NRXN3: variants seen among roughly 807,000 people sequenced by gnomAD.
NRXN3 encodes the protein neurexin III.
A neutral mutation model predicts 137.6 loss-of-function variants in NRXN3; 32 were observed. That is an observed-to-expected ratio of 0.23 (90% confidence interval 0.18 to 0.31). NRXN3 has a LOEUF of 0.31. NRXN3 is among the 10% of genes least tolerant of loss of function. NRXN3 has a pLI of 1.00. For synonymous variants in NRXN3, 798 were observed against 784.5 expected (o/e 1.02, Z -0.29); for missense variants, 1,574 against 2,062.5 (o/e 0.76, Z 4.59).
intron 1 of NRXN3, among the ~76,000 whole-genome samples, chr14:78,211,132 A>T (rs539266903): frequency 6.6e-6 from 1 of 152,316 alleles, no homozygotes; most frequent in African/African-American, 2.4e-5. Context: ...AGCTGTTATT[A>T]CTTCCATTTT....
chr14:78,634,911 C>T (rs947259501), intron 4 of NRXN3, among the ~76,000 whole-genome samples: 11 of 152,086 alleles, frequency 7.2e-5, no homozygotes, highest in South Asian at 2.1e-4. Context: ...TCATTATTCT[C>T]TATATATTCT....
At chr14:79,048,573 A>G (rs2099636477) in intron 15 of NRXN3, among the ~76,000 whole-genome samples, 1 of 152,142 alleles carries the variant, frequency 6.6e-6, no homozygotes, top group South Asian at 2.1e-4. Flanking sequence ...TTAATTTAAA[A>G]GTACTTTATT....
chr14:78,458,610 C>T (rs574608382), intron 4 of NRXN3, among the ~76,000 whole-genome samples: 42 of 152,306 alleles, frequency 2.8e-4, no homozygotes, highest in Middle Eastern at 6.8e-3. Flanking sequence ...AAAAGGAGAA[C>T]ATCTCTTCTG....
chr14:79,059,389 C>G (rs985523479), intron 15 of NRXN3, among the ~76,000 whole-genome samples: 1 of 151,526 alleles, frequency 6.6e-6, no homozygotes, highest in African/African-American at 2.4e-5. Context: ...TCCCAAGTAG[C>G]TGAGACTACA....
chr14:78,737,363 A>T (rs921095049), intron 8 of NRXN3, among the ~76,000 whole-genome samples: 1 of 152,134 alleles, frequency 6.6e-6, no homozygotes, highest in Non-Finnish European at 1.5e-5. Context: ...GGAAATCCGG[A>T]TAGAGTTGGC....
chr14:78,255,018 G>A (rs1199984135), intron 2 of NRXN3, among the ~76,000 whole-genome samples: 2 of 151,958 alleles, frequency 1.3e-5, no homozygotes, highest in African/African-American at 4.8e-5. Context: ...CCCAGGGAAA[G>A]GGCTTAGGCA....
At chr14:79,375,871 A>G (rs2094257965) in intron 15 of NRXN3, among the ~76,000 whole-genome samples, 1 of 151,938 alleles carries the variant, frequency 6.6e-6, no homozygotes. Flanking sequence ...AGAAGAGATT[A>G]TTCTTAGAAA....
chr14:79,614,939 G>C (rs1274393871), intron 16 of NRXN3, among the ~76,000 whole-genome samples: 1 of 152,208 alleles, frequency 6.6e-6, no homozygotes, highest in Non-Finnish European at 1.5e-5. Flanking sequence ...ACAACAGCAA[G>C]TGGTCCATGA....
intron 8 of NRXN3, among the ~76,000 whole-genome samples, chr14:78,754,855 CAG>C (rs1307503792): frequency 1.4e-5 from 2 of 146,524 alleles, no homozygotes; most frequent in Non-Finnish European, 3.0e-5. Flanking sequence ...TTTTTTGAGA[CAG>C]AGTCTCACTG....
chr14:79,398,221 T>C (rs1202530310), intron 15 of NRXN3, among the ~76,000 whole-genome samples: 1 of 152,192 alleles, frequency 6.6e-6, no homozygotes, highest in Non-Finnish European at 1.5e-5. Flanking sequence ...GTGCCATATA[T>C]GTGCCTTCTA....
chr14:78,242,968 C>T lies in NRXN3; in HGVS notation c.-126C>T. 1 of 658,820 alleles carries T rather than the reference C, an allele frequency of 1.5e-6. No individual in the cohort carries two copies. Among genetic ancestry groups the T allele is most frequent in the Non-Finnish European group, 2.6e-6 (1 of 389,724 alleles). 40.8% of individuals were successfully genotyped at this position (658,820 alleles called of 1,614,324 possible). On this transcript the variant is annotated 5_prime_UTR_variant, in exon 2 of 21. Transcript: ENST00000335750. ...CAGGATCTGTGTGTGTGCTGCCTTCCTCCTGTGTGCTTTCTGTCCCCCCAT... is the reference window on the plus strand; with the variant it reads ...CAGGATCTGTGTGTGTGCTGCCTTCTTCCTGTGTGCTTTCTGTCCCCCCAT...
chr14:78,784,050 C>G (rs1418577551), intron 8 of NRXN3, among the ~76,000 whole-genome samples: 1 of 111,392 alleles, frequency 9.0e-6, no homozygotes, highest in Admixed American at 1.0e-4. Flanking sequence ...TAGAAGAAGT[C>G]AGATAACACA....
intron 6 of NRXN3, among the ~76,000 whole-genome samples, chr14:78,671,038 A>T (rs1270257371): frequency 1.3e-5 from 2 of 152,242 alleles, no homozygotes; most frequent in Non-Finnish European, 2.9e-5. Flanking sequence ...CATCAAAAGG[A>T]AGAACAATGT....
rs139212919 is a variant in NRXN3, at chr14:79,549,460, C to T, written c.3444+82058C>T. ...TACATGTAAGGAAATGAAAAGTATT[C>T]CACAAATACTCCTTCCCTGAGCTTG... is the stretch of plus-strand genomic sequence containing the variant. On this transcript the variant is annotated intron_variant, in intron 16 of 20. Coordinates refer to ENST00000335750, the MANE Select transcript of NRXN3 (RefSeq NM_001330195.2). Among the ~76,000 whole-genome samples, 752 of 152,196 alleles carry T rather than the reference C, an allele frequency of 4.9e-3. 8 individuals carry two copies. The highest frequency in any genetic ancestry group is 0.017 in the African/African-American group (715 of 41,514).
At chr14:79,393,320 A>G (rs573476931) in intron 15 of NRXN3, among the ~76,000 whole-genome samples, 21 of 152,340 alleles carry the variant, frequency 1.4e-4, no homozygotes, top group African/African-American at 4.6e-4. Context: ...TCTAAGCAGA[A>G]TATTCCACTT....
chr14:78,302,841 T>G (rs139953539), intron 4 of NRXN3, among the ~76,000 whole-genome samples: 26 of 152,358 alleles, frequency 1.7e-4, no homozygotes, highest in African/African-American at 6.0e-4. Flanking sequence ...GAGAGCTTGT[T>G]GAGACTCTCC....
chr14:78,920,349 A>G (rs2099267680), intron 10 of NRXN3, among the ~76,000 whole-genome samples: 1 of 152,230 alleles, frequency 6.6e-6, no homozygotes, highest in Non-Finnish European at 1.5e-5. Flanking sequence ...GGGAAGTGAA[A>G]TCTTAAAACA....
chr14:79,068,304 G>A (rs751124637), intron 15 of NRXN3, among the ~76,000 whole-genome samples: 3 of 152,044 alleles, frequency 2.0e-5, no homozygotes, highest in Non-Finnish European at 4.4e-5. Context: ...AAAGGGTTAA[G>A]TATAACTTTC....
chr14:78,754,437 T>G (rs1403265585), intron 8 of NRXN3, among the ~76,000 whole-genome samples: 3 of 152,216 alleles, frequency 2.0e-5, no homozygotes, highest in Admixed American at 2.0e-4. Flanking sequence ...ACACAGGCTT[T>G]GCACATTCTC....
Sources: gnomAD v4.1 joint callset for allele counts (sites outside exome capture counted in the v4.1 genomes callset) on GRCh38, gnomAD v4.1.1 for gene constraint, MANE v1.5 for transcripts, NCBI Gene and HGNC (gene_info 2026-07-23, HGNC 2026-07-21) for gene names.